The following MACROD2 variants were observed in gnomAD, a reference collection of about 807,000 sequenced individuals.
The protein encoded by MACROD2 is ADP-ribose glycohydrolase MACROD2.
A neutral mutation model predicts 70.4 loss-of-function variants in MACROD2; 36 were observed. The ratio of observed to expected loss-of-function variants is 0.51; its 90% CI spans 0.39 to 0.68. The LOEUF (loss-of-function observed/expected upper bound fraction) is 0.68, where lower values mean the gene tolerates loss of function less well. Among genes scored for constraint, MACROD2 ranks in the 30% least tolerant of loss-of-function variants. The pLI, the probability that MACROD2 is intolerant of heterozygous loss-of-function variation, is 0.00. For synonymous variants in MACROD2, 172 were observed against 178.8 expected (o/e 0.96, Z 0.30); for missense variants, 496 against 538.4 (o/e 0.92, Z 0.78).
chr20:15,185,874 C>T (rs1268431962), intron 5 of MACROD2, among the ~76,000 whole-genome samples: 1 of 152,112 alleles, frequency 6.6e-6, no homozygotes, highest in South Asian at 2.1e-4. Context: ...AGTGGATATT[C>T]AAACTCCTGT....
At chr20:14,290,574 A>G (rs1006683912) in intron 3 of MACROD2, among the ~76,000 whole-genome samples, 1 of 150,392 alleles carries the variant, frequency 6.6e-6, no homozygotes, top group African/African-American at 2.5e-5. Flanking sequence ...CAATGGCACA[A>G]TTTCGGCTCA....
intron 2 of MACROD2, among the ~76,000 whole-genome samples, chr20:14,038,255 C>T (rs866646758): frequency 1.9e-4 from 29 of 151,412 alleles, no homozygotes; most frequent in Admixed American, 6.6e-4. Context: ...GATCGTGCCA[C>T]TGCACTCCAG....
At chr20:15,655,935 G>A (rs139656216) in intron 8 of MACROD2, among the ~76,000 whole-genome samples, 8 of 152,192 alleles carry the variant, frequency 5.3e-5, no homozygotes, top group African/African-American at 1.9e-4. Context: ...TCTTTGTTAC[G>A]AATTAAGTCT....
intron 15 of MACROD2, among the ~76,000 whole-genome samples, chr20:15,989,184 A>G (rs1010279638): frequency 3.3e-4 from 51 of 152,332 alleles, no homozygotes; most frequent in African/African-American, 1.1e-3. Flanking sequence ...CATTGATGAC[A>G]AAGTCAAGAA....
chr20:14,331,381 C>G (rs149752554), intron 3 of MACROD2, among the ~76,000 whole-genome samples: 1 of 152,186 alleles, frequency 6.6e-6, no homozygotes, highest in Non-Finnish European at 1.5e-5. Flanking sequence ...ATTTGTGAAG[C>G]TGCTTTCTCT....
At chr20:15,842,753 G>GATAGATAGATAGATAGATAGAGAA (rs33937643) in intron 8 of MACROD2, among the ~76,000 whole-genome samples, 1 of 140,748 alleles carries the variant, frequency 7.1e-6, no homozygotes, top group Non-Finnish European at 1.5e-5. Context: ...TAGAGAAATA[G>GATAGATAGATAGATAGATAGAGAA]ACAGACAAAT....
intron 3 of MACROD2, among the ~76,000 whole-genome samples, chr20:14,169,403 C>T (rs141428357): frequency 6.6e-6 from 1 of 152,096 alleles, no homozygotes; most frequent in Non-Finnish European, 1.5e-5. Flanking sequence ...CTACTGTGTT[C>T]AAGCGATTCT....
At chr20:14,085,482 AC>A (rs373716886) in intron 2 of MACROD2, 138 bp from the exon 3 acceptor site, 6 of 442,802 alleles carry the variant, frequency 1.4e-5, no homozygotes, top group African/African-American at 8.1e-5. Context: ...CACCCCTTGT[AC>A]TTACGCTCTT....
At chr20:15,143,483 G>T (rs912438553) in intron 5 of MACROD2, among the ~76,000 whole-genome samples, 1 of 152,254 alleles carries the variant, frequency 6.6e-6, no homozygotes, top group East Asian at 1.9e-4. Context: ...TCTGATGGTA[G>T]TTTCTTTTGC....
chr20:15,176,132 G>A (rs1013324050), intron 5 of MACROD2, among the ~76,000 whole-genome samples: 1 of 152,328 alleles, frequency 6.6e-6, no homozygotes, highest in African/African-American at 2.4e-5. Flanking sequence ...CTGCTGCCTT[G>A]GCCCCCTCTA....
At chr20:14,198,160 AAG>A (rs530051276) in intron 3 of MACROD2, among the ~76,000 whole-genome samples, 44 of 151,794 alleles carry the variant, frequency 2.9e-4, no homozygotes, top group Middle Eastern at 3.4e-3. Context: ...AGAAGCGAGA[AAG>A]AGAGAGAGAA....
chr20:15,450,635 C>G (rs917599181), intron 7 of MACROD2, among the ~76,000 whole-genome samples: 1 of 152,064 alleles, frequency 6.6e-6, no homozygotes, highest in Non-Finnish European at 1.5e-5. Context: ...GACTTTATGA[C>G]TTTCTTTTTA....
chr20:15,765,262 C>A (rs1600858218), intron 8 of MACROD2, among the ~76,000 whole-genome samples: 1 of 152,244 alleles, frequency 6.6e-6, no homozygotes, highest in East Asian at 1.9e-4. Flanking sequence ...ATTTTTAATG[C>A]AAACAAAACG....
intron 3 of MACROD2, among the ~76,000 whole-genome samples, chr20:14,195,802 G>T (rs567997368): frequency 6.6e-6 from 1 of 152,268 alleles, no homozygotes; most frequent in African/African-American, 2.4e-5. Flanking sequence ...TCTCCTTTCT[G>T]GCTCCCCCAT....
chr20:14,576,308 T>C (rs781617096), intron 4 of MACROD2, among the ~76,000 whole-genome samples: 38 of 152,290 alleles, frequency 2.5e-4, no homozygotes, highest in Admixed American at 1.1e-3. Context: ...TCTTCATGGA[T>C]GATTAAAGAC....
At chr20:14,804,327 A>G (rs1467842648) in intron 5 of MACROD2, among the ~76,000 whole-genome samples, 1 of 152,070 alleles carries the variant, frequency 6.6e-6, no homozygotes, top group Non-Finnish European at 1.5e-5. Flanking sequence ...CTTTTGTGAA[A>G]GGATGCTCTG....
intron 5 of MACROD2, among the ~76,000 whole-genome samples, chr20:14,867,656 A>T (rs764745209): frequency 3.9e-5 from 6 of 152,018 alleles, no homozygotes; most frequent in Non-Finnish European, 7.4e-5. Flanking sequence ...CGGTAATTAC[A>T]TTTCTAGGAT....
intron 10 of MACROD2, among the ~76,000 whole-genome samples, chr20:15,894,538 G>A (rs1458457916): frequency 6.6e-6 from 1 of 152,196 alleles, no homozygotes; most frequent in Admixed American, 6.5e-5. Context: ...AGAGACACAA[G>A]ATGGAACTGT....
chr20:14,027,256 T>C lies in MACROD2; in HGVS notation c.163+24852T>C, dbSNP rs2053182296. Among the ~76,000 whole-genome samples, 3 of 152,268 alleles carry C rather than the reference T, an allele frequency of 2.0e-5. No individual in the cohort carries two copies. In the South Asian group the frequency reaches 6.2e-4, roughly 32 times the overall value. ...TTCTTCCGCTTGATCGATTCGGCTATTGATACTTGTATATGCTTCACGAAG... is the reference window on the plus strand; with the variant it reads ...TTCTTCCGCTTGATCGATTCGGCTACTGATACTTGTATATGCTTCACGAAG... On this transcript the variant is annotated intron_variant, in intron 2 of 17. Transcript: ENST00000684519.
Sources: allele counts gnomAD v4.1 joint callset (sites outside exome capture counted in the v4.1 genomes callset), GRCh38; gene constraint gnomAD v4.1.1; transcripts MANE v1.5; gene names NCBI Gene and HGNC (gene_info 2026-07-23, HGNC 2026-07-21).